Variants in RALGDS observed in about 807,000 individuals in gnomAD.
RALGDS encodes ral guanine nucleotide exchange factor.
In RALGDS, 44 loss-of-function variants were observed where a neutral mutation model predicts 99.8. That is an observed-to-expected ratio of 0.44 (90% CI 0.35 to 0.57). The LOEUF is 0.57. Among genes scored for constraint, RALGDS ranks in the 20% least tolerant of loss-of-function variants. RALGDS has a pLI of 0.01. For synonymous variants in RALGDS, 529 were observed against 505.0 expected, an observed-to-expected ratio of 1.05 and a Z score of -0.64; for missense variants, 1,022 against 1,203.1, an observed-to-expected ratio of 0.85 and a Z score of 2.23.
intron 9 of RALGDS, chr9:133,104,549 C>T (rs1387377494): frequency 1.2e-5 from 7 of 568,954 alleles, no homozygotes; most frequent in South Asian, 4.0e-5. Context: ...CGGTGGCTCA[C>T]GCCTGTAATC....
upstream of RALGDS, among the ~76,000 whole-genome samples, chr9:133,132,010 A>G (rs1832342665): frequency 6.6e-6 from 1 of 152,096 alleles, no homozygotes; most frequent in African/African-American, 2.4e-5. Flanking sequence ...CACATAACAG[A>G]CATTTGATCA....
chr9:133,115,827 G>A (rs937348827), intron 1 of RALGDS, among the ~76,000 whole-genome samples: 5 of 152,254 alleles, frequency 3.3e-5, no homozygotes, highest in Admixed American at 1.3e-4. Flanking sequence ...TGTAAAGAGA[G>A]GCTGAGTCAC....
intron 1 of RALGDS, among the ~76,000 whole-genome samples, chr9:133,142,323 C>A (rs1404398299): frequency 6.6e-6 from 1 of 152,148 alleles, no homozygotes; most frequent in South Asian, 2.1e-4. Flanking sequence ...TCTGCATTTT[C>A]TCTTTCAGCC....
At chr9:133,121,249 G>A (rs1368234607), upstream of RALGDS, 1 of 985,076 alleles carries the variant, frequency 1.0e-6, no homozygotes, top group Non-Finnish European at 1.2e-6. Flanking sequence ...CTGTGAGCCC[G>A]CGGCCCGGCC....
At chr9:133,104,545 C>T in intron 9 of RALGDS, 1 of 580,788 alleles carries the variant, frequency 1.7e-6, no homozygotes, top group East Asian at 2.9e-5. Context: ...GGTGCGGTGG[C>T]TCACGCCTGT....
At chr9:133,141,400 C>T (rs970850587) in intron 1 of RALGDS, among the ~76,000 whole-genome samples, 1 of 152,232 alleles carries the variant, frequency 6.6e-6, no homozygotes, top group Non-Finnish European at 1.5e-5. Context: ...TCCCGCAGTG[C>T]CCAAGTCTGG....
intron 1 of RALGDS, among the ~76,000 whole-genome samples, chr9:133,117,311 C>T (rs893832390): frequency 2.0e-5 from 3 of 152,216 alleles, no homozygotes; most frequent in Non-Finnish European, 4.4e-5. Flanking sequence ...CTCAGGAGCA[C>T]GTCTACATCT....
At chr9:133,116,446 TACTC>T (rs1831613516) in intron 1 of RALGDS, among the ~76,000 whole-genome samples, 1 of 152,242 alleles carries the variant, frequency 6.6e-6, no homozygotes, top group Non-Finnish European at 1.5e-5. Context: ...TGTGCCCTGC[TACTC>T]ACTGATGGGA....
intron 1 of RALGDS, among the ~76,000 whole-genome samples, chr9:133,120,428 A>AACC (rs1831862835): frequency 3.3e-5 from 2 of 59,992 alleles, no homozygotes; most frequent in African/African-American, 6.4e-5. Context: ...CCATCCCCCG[A>AACC]CCCCCCCCCC....
At position 133,100,742 on chromosome 9, in the gene RALGDS, C is replaced by A; in HGVS notation, c.2455-360G>T. 8.7e-5 allele frequency: 102 copies of A among 1,175,188 alleles called. 1 individual carries two copies. Among genetic ancestry groups the A allele is most frequent in the Non-Finnish European group, 1.1e-4 (100 of 938,160 alleles). 72.8% of individuals were successfully genotyped at this position (1,175,188 alleles called of 1,614,324 possible). On this transcript the variant is annotated intron_variant, in intron 16 of 17. Transcript: ENST00000372050. Reference sequence around the variant, plus strand: ...GGGAACAGACAGTCCCTAGTCCAAGCCCTGGAGGTAAGAAAGGAGGGGCCG... The same window carrying A: ...GGGAACAGACAGTCCCTAGTCCAAGACCTGGAGGTAAGAAAGGAGGGGCCG...
At chr9:133,098,966 T>G (rs1014118628) in intron 17 of RALGDS, 17 of 588,390 alleles carry the variant, frequency 2.9e-5, no homozygotes, top group Non-Finnish European at 4.8e-5. Flanking sequence ...ACCTGATGAC[T>G]CTTGTTTAAA....
upstream of RALGDS, among the ~76,000 whole-genome samples, chr9:133,124,332 A>T (rs1310954629): frequency 6.6e-6 from 1 of 152,172 alleles, no homozygotes; most frequent in African/African-American, 2.4e-5. Context: ...TGGAACAGAG[A>T]CACACACGCA....
At chr9:133,143,455 C>T (rs1270209413) in intron 1 of RALGDS, among the ~76,000 whole-genome samples, 1 of 152,090 alleles carries the variant, frequency 6.6e-6, no homozygotes, top group African/African-American at 2.4e-5. Context: ...AGGGAGGTGA[C>T]AGTAAGAAAT....
chr9:133,126,739 C>T (rs1462219317), intron 1 of RALGDS, among the ~76,000 whole-genome samples: 2 of 152,188 alleles, frequency 1.3e-5, no homozygotes, highest in Admixed American at 6.5e-5. Context: ...GAAACTGAGC[C>T]CAAGAACCAA....
Position 133,100,380 on chromosome 9 carries a change from C to A in RALGDS, c.2457G>T (p.Val819=). 6.2e-7 allele frequency: 1 copy of A among 1,614,138 alleles called. No homozygotes were observed. Among genetic ancestry groups the A allele is most frequent in the South Asian group, 1.1e-5 (1 of 91,084 alleles). The stretch of plus-strand genomic sequence containing the variant: ...CAGCCGGAGCCTTATCTTGGCTGGT[C>A]ACCTGCATCGCGGCGGGGGATGGAC... The part of the protein sequence containing the change: ...DNGNMYKSIL[V]TSQDKAPAVI... Residue 819 remains valine, a splice_region_variant and synonymous_variant, in exon 17 of 18, where the codon GTG becomes GTT. Coordinates refer to ENST00000372050, the MANE Select transcript of RALGDS (RefSeq NM_006266.4).
intron 7 of RALGDS, 75 bp from the exon 8 acceptor site, chr9:133,106,823 A>G: frequency 8.4e-7 from 1 of 1,187,456 alleles, no homozygotes; most frequent in Non-Finnish European, 1.2e-6. Context: ...CCCCTTGGCC[A>G]AGCCTCCCCT....
intron 1 of RALGDS, among the ~76,000 whole-genome samples, chr9:133,146,539 C>T (rs1443697609): frequency 1.3e-5 from 2 of 152,144 alleles, no homozygotes; most frequent in African/African-American, 2.4e-5. Context: ...CAGACACTGT[C>T]CCAGGCAGCC....
At chr9:133,135,516 G>A (rs750436900), upstream of RALGDS, among the ~76,000 whole-genome samples, 3 of 152,162 alleles carry the variant, frequency 2.0e-5, no homozygotes, top group Non-Finnish European at 4.4e-5. Flanking sequence ...GCCCTGCCAA[G>A]GGCACCGCAG....
rs1055042516 is a variant in RALGDS at position 133,101,919 on chromosome 9, G to T, written c.2211+19C>A. ...TGGGGAGATGGGAAAGGATATTGGG[G>T]AGAAGGGCAGGCAGTCACCTTCTTT... On this transcript the variant is annotated intron_variant, in intron 15 of 17. Transcript: ENST00000372050. The T allele has an allele frequency of 6.4e-7, 1 of 1,551,020 alleles. No homozygotes were observed. Among genetic ancestry groups the T allele is most frequent in the Non-Finnish European group, 8.7e-7 (1 of 1,147,060 alleles).
Sources: gnomAD v4.1 joint callset for allele counts (sites outside exome capture counted in the v4.1 genomes callset) on GRCh38, gnomAD v4.1.1 for gene constraint, MANE v1.5 for transcripts, NCBI Gene and HGNC (gene_info 2026-07-23, HGNC 2026-07-21) for gene names.